SPOCK3: variants seen among roughly 807,000 people sequenced by gnomAD.
SPOCK3 encodes the protein testican-3.
A neutral mutation model predicts 56.6 loss-of-function variants in SPOCK3; 30 were observed. The ratio of observed to expected loss-of-function variants is 0.53; its 90% CI spans 0.40 to 0.72. The LOEUF is 0.72. Ranked by LOEUF, SPOCK3 falls within the 30% of genes least tolerant of loss-of-function variation. The pLI is 0.00. For synonymous variants in SPOCK3, 196 were observed against 183.3 expected, an observed-to-expected ratio of 1.07 and a Z score of -0.56; for missense variants, 527 against 530.0, an observed-to-expected ratio of 0.99 and a Z score of 0.06.
intron 9 of SPOCK3, among the ~76,000 whole-genome samples, chr4:166,738,626 C>A (rs1474835500): frequency 3.7e-5 from 4 of 108,238 alleles, no homozygotes; most frequent in Admixed American, 1.1e-4. Context: ...CCCCTCCCCC[C>A]ACCCCACAAC....
At chr4:166,783,714 A>C (rs1322048782) in intron 7 of SPOCK3, among the ~76,000 whole-genome samples, 2 of 152,042 alleles carry the variant, frequency 1.3e-5, no homozygotes, top group Non-Finnish European at 2.9e-5. Context: ...ACAACCCCAA[A>C]TAATTTTTTT....
intron 3 of SPOCK3, among the ~76,000 whole-genome samples, chr4:167,049,095 T>A (rs1232273694): frequency 1.4e-5 from 2 of 146,440 alleles, no homozygotes; most frequent in African/African-American, 5.2e-5. Flanking sequence ...CAAGAAAAGT[T>A]AATTTTCTTT....
intron 7 of SPOCK3, among the ~76,000 whole-genome samples, chr4:166,770,672 G>T (rs115632115): frequency 6.6e-6 from 1 of 152,100 alleles, no homozygotes; most frequent in Non-Finnish European, 1.5e-5. Flanking sequence ...AAACACAACC[G>T]TATTGACAAT....
intron 3 of SPOCK3, among the ~76,000 whole-genome samples, chr4:167,059,524 A>G (rs540865395): frequency 1.3e-5 from 2 of 152,168 alleles, no homozygotes; most frequent in East Asian, 3.9e-4. Flanking sequence ...GAGGATGTGG[A>G]GAAATAGGAA....
chr4:167,145,250 T>A (rs943053445), intron 2 of SPOCK3, among the ~76,000 whole-genome samples: 10 of 152,078 alleles, frequency 6.6e-5, no homozygotes, highest in African/African-American at 2.4e-4. Context: ...CTTGGGAGAC[T>A]GTGGAAGAAG....
chr4:166,930,195 A>T (rs1408479830), intron 4 of SPOCK3, among the ~76,000 whole-genome samples: 1 of 152,182 alleles, frequency 6.6e-6, no homozygotes, highest in East Asian at 1.9e-4. Context: ...AAAAAAAAGG[A>T]ACTAGTTTTA....
intron 3 of SPOCK3, among the ~76,000 whole-genome samples, chr4:167,012,060 A>C (rs1750128618): frequency 6.6e-6 from 1 of 152,002 alleles, no homozygotes; most frequent in Admixed American, 6.6e-5. Flanking sequence ...TGAATAAATT[A>C]AAAAACTGAA....
At chr4:166,899,306 C>CTAT (rs1553997480) in intron 5 of SPOCK3, among the ~76,000 whole-genome samples, 2 of 148,566 alleles carry the variant, frequency 1.3e-5, no homozygotes, top group Admixed American at 6.8e-5. Flanking sequence ...ATCTATGTAC[C>CTAT]CTATGGGTTG....
At chr4:166,783,352 C>T (rs1740384007) in intron 7 of SPOCK3, among the ~76,000 whole-genome samples, 1 of 151,814 alleles carries the variant, frequency 6.6e-6, no homozygotes, top group South Asian at 2.1e-4. Context: ...GAACGAGAGT[C>T]TGTCTAAAAA....
intron 8 of SPOCK3, among the ~76,000 whole-genome samples, chr4:166,743,182 G>A (rs2126408061): frequency 6.6e-6 from 1 of 152,056 alleles, no homozygotes; most frequent in East Asian, 1.9e-4. Context: ...CTAAAAGCTT[G>A]CTGTTAATGC....
chr4:166,860,802 C>CATATATATATATGTATATATATATATAT (rs1553989665), intron 6 of SPOCK3, among the ~76,000 whole-genome samples: 15 of 101,938 alleles, frequency 1.5e-4, no homozygotes, highest in African/African-American at 5.3e-4. Flanking sequence ...CACACAAATT[C>CATATATATATATGTATATATATATATAT]ATATATATAT....
chr4:167,091,963 A>G (rs1040884483), intron 2 of SPOCK3, among the ~76,000 whole-genome samples: 1 of 152,182 alleles, frequency 6.6e-6, no homozygotes, highest in African/African-American at 2.4e-5. Flanking sequence ...CCTTGTGAAA[A>G]TAAGTGCCTG....
At chr4:166,857,043 C>T (rs1207853149) in intron 6 of SPOCK3, among the ~76,000 whole-genome samples, 1 of 152,172 alleles carries the variant, frequency 6.6e-6, no homozygotes, top group Non-Finnish European at 1.5e-5. Flanking sequence ...TCTGAAGTCA[C>T]ATCTAGGCAG....
rs535428501 is a variant in SPOCK3 at position 166,897,505 on chromosome 4, G to A, written c.475-8261C>T. 4.0e-4 allele frequency among the ~76,000 whole-genome samples: 61 copies of A among 152,226 alleles called. 1 individual carries two copies. The South Asian group carries it at 0.012, about 31-fold the overall frequency. ...AGAAAATATTGGGATTTCCTTAGCTGCAACACAAAATCAATGTGTGAAGAA... is the reference window on the plus strand; with the variant it reads ...AGAAAATATTGGGATTTCCTTAGCTACAACACAAAATCAATGTGTGAAGAA... On this transcript the variant is annotated intron_variant, in intron 5 of 10. Transcript: ENST00000357545.
intron 7 of SPOCK3, among the ~76,000 whole-genome samples, chr4:166,787,044 A>C (rs1047315238): frequency 6.6e-6 from 1 of 152,190 alleles, no homozygotes; most frequent in Non-Finnish European, 1.5e-5. Flanking sequence ...TTCCACTTGT[A>C]TGCTAGTCTT....
At chr4:166,986,326 T>C (rs2558132) in intron 4 of SPOCK3, among the ~76,000 whole-genome samples, 152,076 of 152,280 alleles carry the variant, frequency 1, 75,936 homozygotes, top group Non-Finnish European at 1. Context: ...GACACACAGA[T>C]ACTTTATAAA....
chr4:167,170,113 T>C lies in SPOCK3; in HGVS notation c.189+63872A>G, dbSNP rs537680040. Among the ~76,000 whole-genome samples the C allele has an allele frequency of 9.9e-5, 15 of 152,280 alleles. No homozygotes were observed. The South Asian group carries it at 2.9e-3, about 29-fold the overall frequency. ...ATACAAACAGTATATTTAATAATGG[T>C]AGAATAGTATTAACATTGCTGAAAT... On this transcript the variant is annotated intron_variant, in intron 2 of 10. Transcript: ENST00000357545.
intron 6 of SPOCK3, among the ~76,000 whole-genome samples, chr4:166,886,072 CCTTT>C (rs1734169644): frequency 6.6e-6 from 1 of 151,932 alleles, no homozygotes; most frequent in Non-Finnish European, 1.5e-5. Flanking sequence ...TTTTGCAAGT[CCTTT>C]CTAATTCTTA....
intron 5 of SPOCK3, among the ~76,000 whole-genome samples, chr4:166,909,838 G>T (rs1737059840): frequency 6.6e-6 from 1 of 152,100 alleles, no homozygotes; most frequent in Non-Finnish European, 1.5e-5. Flanking sequence ...CCAGAAGAAA[G>T]ATCTTGTGAT....
Sources: gnomAD v4.1 joint callset for allele counts (sites outside exome capture counted in the v4.1 genomes callset) on GRCh38, gnomAD v4.1.1 for gene constraint, MANE v1.5 for transcripts, NCBI Gene and HGNC (gene_info 2026-07-23, HGNC 2026-07-21) for gene names.